Variants in CCDC102B observed in about 807,000 individuals in gnomAD.
The protein encoded by CCDC102B is coiled-coil domain-containing protein 102B.
Under a neutral mutation model 57.4 loss-of-function variants are expected in CCDC102B, and 75 were observed. The observed-to-expected ratio is 1.31, with a 90% CI of 1.08 to 1.58. The LOEUF is 1.58. Ranked by LOEUF, CCDC102B falls within the 40% of genes most tolerant of loss-of-function variation. The pLI is 0.00. For missense variants in CCDC102B, 636 were observed against 582.6 expected (o/e 1.09, Z -0.94); for synonymous variants, 206 against 201.9 (o/e 1.02, Z -0.17).
chr18:69,043,062 T>C (rs922060316), intron 7 of CCDC102B, among the ~76,000 whole-genome samples: 1 of 152,116 alleles, frequency 6.6e-6, no homozygotes, highest in African/African-American at 2.4e-5. Context: ...GAGGGGGATG[T>C]GTCAGGGTCA....
At chr18:68,799,914 G>A (rs1014616925) in intron 1 of CCDC102B, among the ~76,000 whole-genome samples, 1 of 152,098 alleles carries the variant, frequency 6.6e-6, no homozygotes, top group African/African-American at 2.4e-5. Context: ...ACAGAAAAAT[G>A]TGGCCTTTAC....
At chr18:68,859,985 A>C in intron 4 of CCDC102B, among the ~76,000 whole-genome samples, 1 of 81,166 alleles carries the variant, frequency 1.2e-5, no homozygotes, top group African/African-American at 3.5e-5. Context: ...TCATGCTGCT[A>C]TAAAGACACA....
intron 6 of CCDC102B, among the ~76,000 whole-genome samples, chr18:68,983,650 G>A (rs1568100522): frequency 6.6e-6 from 1 of 151,658 alleles, no homozygotes; most frequent in African/African-American, 2.4e-5. Flanking sequence ...TATTTATGGA[G>A]GTATCCACTA....
chr18:68,824,043 CTTTAA>C (rs1173848016), intron 1 of CCDC102B, among the ~76,000 whole-genome samples: 1 of 151,802 alleles, frequency 6.6e-6, no homozygotes, highest in South Asian at 2.1e-4. Flanking sequence ...TGCAAAAGCT[CTTTAA>C]TTTAATTAGG....
chr18:68,935,279 A>G (rs72634404), intron 6 of CCDC102B, among the ~76,000 whole-genome samples: 19,129 of 151,884 alleles, frequency 0.13, 1,551 homozygotes, highest in South Asian at 0.27. Flanking sequence ...GGGATTTTGA[A>G]TCTATTTTGA....
intron 6 of CCDC102B, among the ~76,000 whole-genome samples, chr18:68,935,600 C>A (rs373545572): frequency 4.6e-5 from 7 of 151,934 alleles, no homozygotes; most frequent in African/African-American, 1.4e-4. Flanking sequence ...GTAAACTGGG[C>A]GTCTTCAGCT....
intron 3 of CCDC102B, among the ~76,000 whole-genome samples, chr18:68,845,474 A>C (rs1316712712): frequency 6.6e-6 from 1 of 151,836 alleles, no homozygotes; most frequent in South Asian, 2.1e-4. Context: ...ATCTCTGCTA[A>C]TATCTCATTG....
intron 1 of CCDC102B, among the ~76,000 whole-genome samples, chr18:68,814,992 T>C (rs1365336646): frequency 1.3e-5 from 2 of 152,156 alleles, no homozygotes; most frequent in African/African-American, 4.8e-5. Context: ...TTCAACAGAA[T>C]ATTAACAGAC....
intron 2 of CCDC102B, among the ~76,000 whole-genome samples, chr18:68,723,678 T>C (rs1001809719): frequency 8.5e-5 from 13 of 152,216 alleles, no homozygotes; most frequent in Non-Finnish European, 1.6e-4. Context: ...ATGCAAGATG[T>C]GGAGCAGCTT....
At chr18:68,866,876 C>T (rs2039008705) in intron 4 of CCDC102B, 3 of 658,898 alleles carry the variant, frequency 4.6e-6, no homozygotes, top group African/African-American at 3.6e-5. Flanking sequence ...TACATTGGCA[C>T]TCCTCTTCCC....
upstream of CCDC102B, among the ~76,000 whole-genome samples, chr18:68,797,162 T>C (rs2035659587): frequency 1.3e-5 from 2 of 152,064 alleles, no homozygotes; most frequent in Admixed American, 1.3e-4. Flanking sequence ...ATGGCCACCT[T>C]TTCCATTGCA....
At chr18:68,925,846 T>C (rs2041457681) in intron 6 of CCDC102B, among the ~76,000 whole-genome samples, 1 of 151,928 alleles carries the variant, frequency 6.6e-6, no homozygotes, top group African/African-American at 2.4e-5. Context: ...ACCAATACAA[T>C]AGACAGTTCT....
intron 1 of CCDC102B, among the ~76,000 whole-genome samples, chr18:68,800,862 C>T (rs1358206548): frequency 6.6e-6 from 1 of 152,050 alleles, no homozygotes; most frequent in Non-Finnish European, 1.5e-5. Flanking sequence ...AAGAATAGAA[C>T]TTATTTATTA....
intron 5 of CCDC102B, among the ~76,000 whole-genome samples, chr18:68,889,966 A>C (rs181880503): frequency 6.6e-6 from 1 of 152,290 alleles, no homozygotes; most frequent in African/African-American, 2.4e-5. Context: ...CTTTCCTCGC[A>C]GCAGCACTGA....
chr18:68,853,150 A>G (rs1024154365), intron 4 of CCDC102B, among the ~76,000 whole-genome samples: 7 of 152,228 alleles, frequency 4.6e-5, no homozygotes, highest in Non-Finnish European at 1.0e-4. Context: ...GTTTGTAGAT[A>G]GTGAAATATA....
chr18:69,049,639 A>G (rs2052654419), intron 7 of CCDC102B, among the ~76,000 whole-genome samples: 1 of 152,170 alleles, frequency 6.6e-6, no homozygotes, highest in African/African-American at 2.4e-5. Context: ...CAACCTGGCC[A>G]CTTAGCAAAT....
intron 2 of CCDC102B, among the ~76,000 whole-genome samples, chr18:68,783,727 T>G (rs1311473904): frequency 6.6e-6 from 1 of 152,180 alleles, no homozygotes; most frequent in Non-Finnish European, 1.5e-5. Context: ...TTGTCTGATT[T>G]ACATCAGAAG....
chr18:68,787,308 G>T (rs1480451204), intron 2 of CCDC102B, among the ~76,000 whole-genome samples: 1 of 151,724 alleles, frequency 6.6e-6, no homozygotes, highest in African/African-American at 2.4e-5. Flanking sequence ...TTGTGTCTCG[G>T]CCCGGCTTTG....
intron 6 of CCDC102B, among the ~76,000 whole-genome samples, chr18:68,961,169 A>C (rs564939229): frequency 6.6e-6 from 1 of 152,112 alleles, no homozygotes; most frequent in Non-Finnish European, 1.5e-5. Flanking sequence ...AATTCTTAAA[A>C]CATTTTCAGA....
Sources: allele counts gnomAD v4.1 joint callset (sites outside exome capture counted in the v4.1 genomes callset), GRCh38; gene constraint gnomAD v4.1.1; transcripts MANE v1.5; gene names NCBI Gene and HGNC (gene_info 2026-07-23, HGNC 2026-07-21).